MRPL19: variants seen among roughly 807,000 people sequenced by gnomAD.
MRPL19 encodes large ribosomal subunit protein bL19m.
A neutral mutation model predicts 34.0 loss-of-function variants in MRPL19; 31 were observed. The observed-to-expected ratio is 0.91, with a 90% confidence interval of 0.68 to 1.23. The LOEUF is 1.23. MRPL19 is among the 50% of genes most tolerant of loss of function. The pLI is 0.00. For synonymous variants in MRPL19, 152 were observed against 127.7 expected, an observed-to-expected ratio of 1.19 and a Z score of -1.28; for missense variants, 384 against 367.6, an observed-to-expected ratio of 1.04 and a Z score of -0.37.
intron 2 of MRPL19, 85 bp downstream of exon 2, chr2:75,647,304 TG>T (rs1678246426): frequency 4.6e-6 from 6 of 1,312,094 alleles, no homozygotes; most frequent in African/African-American, 1.5e-5. Flanking sequence ...GGCTCTAAGG[TG>T]GGGGCTGCAC....
In MRPL19 at chr2:75,656,823, T is replaced by C. The variant is rs1476589827; in HGVS notation, c.*1538T>C. The C allele has an allele frequency of 1.3e-5, 2 of 152,114 alleles. No homozygotes were observed. Among genetic ancestry groups the C allele is most frequent in the Non-Finnish European group, 2.9e-5 (2 of 68,022 alleles). 9.4% of individuals were successfully genotyped at this position (152,114 alleles called of 1,614,324 possible). The stretch of plus-strand genomic sequence containing the variant: ...AGTTCTGGGAAACACTTAGCATTGG[T>C]TGATGATTTATTCTCTGCTGCTTTG... On this transcript the variant is annotated 3_prime_UTR_variant, in exon 6 of 6. Coordinates refer to ENST00000393909, the MANE Select transcript of MRPL19 (RefSeq NM_014763.4).
chr2:75,646,974 G>T (rs1678235947), intron 1 of MRPL19, 64 bp downstream of exon 1: 4 of 1,492,864 alleles, frequency 2.7e-6, no homozygotes, highest in Middle Eastern at 1.8e-4. Context: ...TGGGGGAGGC[G>T]AACCTGGAGA....
rs1678641356 is a variant in MRPL19 at position 75,662,153 on chromosome 2, C to T, written c.*6868C>T. 1 of 152,164 alleles carries T rather than the reference C, an allele frequency of 6.6e-6. No homozygotes were observed. Among genetic ancestry groups the T allele is most frequent in the Non-Finnish European group, 1.5e-5 (1 of 68,026 alleles). 9.4% of individuals were successfully genotyped at this position (152,164 alleles called of 1,614,324 possible). On this transcript the variant is annotated 3_prime_UTR_variant, in exon 6 of 6. Coordinates refer to ENST00000393909, the MANE Select transcript of MRPL19 (RefSeq NM_014763.4). ...GTTCGTGAGTGATTACACTGGTTGA[C>T]TAATGTTAAAACAACCTTACTTTCC...
Position 75,647,087 on chromosome 2 carries a change from C to A in MRPL19, c.104-15C>A. The A allele has an allele frequency of 1.3e-6, 2 of 1,571,052 alleles. No homozygotes were observed. Among genetic ancestry groups the A allele is most frequent in the Non-Finnish European group, 1.7e-6 (2 of 1,156,508 alleles). On this transcript the variant is annotated splice_polypyrimidine_tract_variant and intron_variant, in intron 1 of 5. Coordinates refer to ENST00000393909, the MANE Select transcript of MRPL19 (RefSeq NM_014763.4). Reference sequence around the variant, plus strand: ...TTGGCACGAGAGTTCTGACCTCCGTCGTCCGCTCCCGCAGGGGTCCACGCG... The same window carrying A: ...TTGGCACGAGAGTTCTGACCTCCGTAGTCCGCTCCCGCAGGGGTCCACGCG...
In MRPL19 at chr2:75,660,624, TTG is replaced by T. The variant is rs1197003102; in HGVS notation, c.*5343_*5344del. 1 of 152,198 alleles carries T rather than the reference TTG, an allele frequency of 6.6e-6. No homozygotes were observed. Among genetic ancestry groups the T allele is most frequent in the Non-Finnish European group, 1.5e-5 (1 of 68,042 alleles). 9.4% of individuals were successfully genotyped at this position (152,198 alleles called of 1,614,324 possible). A position where few individuals can be genotyped will look rare whatever the true frequency, so the allele number is the denominator to read the frequency against. On this transcript the variant is annotated 3_prime_UTR_variant, in exon 6 of 6. Coordinates refer to ENST00000393909, the MANE Select transcript of MRPL19 (RefSeq NM_014763.4). ...ATCACTGAAGTCTCTGTTCCTTAGT[TTG>T]TGTTTAATAGTTTGACATAGATTTC...
Position 75,658,602 on chromosome 2 carries a change from A to G in MRPL19, c.*3317A>G, listed in dbSNP as rs1473798415. ...CCCCTGGTTGAGTGTGTTAATTTCT[A>G]CATGTTTATGAATTTCCCACTGTTT... is the stretch of plus-strand genomic sequence containing the variant. On this transcript the variant is annotated 3_prime_UTR_variant, in exon 6 of 6. Transcript: ENST00000393909. Among the ~76,000 whole-genome samples, 1 of 152,054 alleles carries G rather than the reference A, an allele frequency of 6.6e-6. No individual in the cohort carries two copies. The highest frequency in any genetic ancestry group is 1.5e-5 in the Non-Finnish European group (1 of 67,982).
At chr2:75,651,508 T>C (rs1251152387) in intron 2 of MRPL19, 1 of 505,052 alleles carries the variant, frequency 2.0e-6, no homozygotes, top group Non-Finnish European at 4.0e-6. Flanking sequence ...TCTTCGTCTG[T>C]AGATAGGTGT....
intron 2 of MRPL19, among the ~76,000 whole-genome samples, chr2:75,648,791 C>G (rs1415921892): frequency 6.6e-6 from 1 of 152,080 alleles, no homozygotes; most frequent in Non-Finnish European, 1.5e-5. Context: ...ATTGCTTGAA[C>G]ACAGGATGCC....
chr2:75,655,443 C>A lies in MRPL19; in HGVS notation c.*158C>A. On this transcript the variant is annotated 3_prime_UTR_variant, in exon 6 of 6. Coordinates refer to ENST00000393909, the MANE Select transcript of MRPL19 (RefSeq NM_014763.4). Reference sequence around the variant, plus strand: ...TTTTTCTAAAATAAAACTTGTACACCAGTTTATTACTCTAAAAAGAGAATT... The same window carrying A: ...TTTTTCTAAAATAAAACTTGTACACAAGTTTATTACTCTAAAAAGAGAATT... The A allele has an allele frequency of 1.7e-6, 1 of 602,500 alleles. No homozygotes were observed. Among genetic ancestry groups the A allele is most frequent in the Non-Finnish European group, 2.8e-6 (1 of 353,824 alleles). 37.3% of individuals were successfully genotyped at this position (602,500 alleles called of 1,614,324 possible).
chr2:75,653,181 TATTA>T (rs1282622087), intron 4 of MRPL19, among the ~76,000 whole-genome samples: 1 of 152,232 alleles, frequency 6.6e-6, no homozygotes, highest in Non-Finnish European at 1.5e-5. Context: ...CTAGCAAGAT[TATTA>T]ATTAAAATGG....
chr2:75,652,584 G>T lies in MRPL19; in HGVS notation c.402G>T (p.Leu134=), dbSNP rs1678355728. Residue 134 remains leucine, a synonymous_variant, in exon 4 of 6, where the codon CTG becomes CTT. Coordinates refer to ENST00000393909, the MANE Select transcript of MRPL19 (RefSeq NM_014763.4). ...CCAGTGGAAAAATCAGCCAGTTTCTGGGGATTTGCATTCAGAGATCAGGAA... is the reference window on the plus strand; with the variant it reads ...CCAGTGGAAAAATCAGCCAGTTTCTTGGGATTTGCATTCAGAGATCAGGAA... The part of the protein sequence containing the change: ...PYASGKISQF[L]GICIQRSGRG... 4.3e-6 allele frequency: 7 copies of T among 1,613,836 alleles called. No homozygotes were observed. Among genetic ancestry groups the T allele is most frequent in the Middle Eastern group, 1.7e-4 (1 of 6,058 alleles).
rs191979719 is a variant in MRPL19, at chr2:75,650,687, G to A, written c.222-1455G>A. The stretch of plus-strand genomic sequence containing the variant: ...CCAGTTAGGAGAATGTGAAATGCAG[G>A]GATGTGAGACTGGCCTAAGGTATAG... On this transcript the variant is annotated intron_variant, in intron 2 of 5. Transcript: ENST00000393909. Among the ~76,000 whole-genome samples the A allele has an allele frequency of 1.6e-3, 250 of 152,264 alleles. 1 individual carries two copies. In the Middle Eastern group the frequency reaches 0.017, roughly 10 times the overall value.
At position 75,656,779 on chromosome 2, in the gene MRPL19, A is replaced by T. The variant is rs961744749; in HGVS notation, c.*1494A>T. 1.3e-5 allele frequency: 2 copies of T among 152,048 alleles called. No individual in the cohort carries two copies. Among genetic ancestry groups the T allele is most frequent in the Non-Finnish European group, 2.9e-5 (2 of 68,012 alleles). 9.4% of individuals were successfully genotyped at this position (152,048 alleles called of 1,614,324 possible). A position where few individuals can be genotyped will look rare whatever the true frequency, so the allele number is the denominator to read the frequency against. ...TTGGGTTTTAGGTGAACCCTTCCAG[A>T]TAGTAACTCATTTCTGTCAGTTCTG... On this transcript the variant is annotated 3_prime_UTR_variant, in exon 6 of 6. Transcript: ENST00000393909.
rs1470520499 is a variant in MRPL19 at position 75,646,870 on chromosome 2, C to A, written c.63C>A (p.Ala21=). The A allele has an allele frequency of 1.9e-6, 3 of 1,596,876 alleles. No homozygotes were observed. Among genetic ancestry groups the A allele is most frequent in the Non-Finnish European group, 2.6e-6 (3 of 1,172,574 alleles). Residue 21 remains alanine, a synonymous_variant, in exon 1 of 6, where the codon GCC becomes GCA. Coordinates refer to ENST00000393909, the MANE Select transcript of MRPL19 (RefSeq NM_014763.4). Reference sequence around the variant, plus strand: ...TGGGCCTAGGCCGGAGTTTCCAAGCCGCCAGGACTCTGCTCCCCCCGCCGG... The same window carrying A: ...TGGGCCTAGGCCGGAGTTTCCAAGCAGCCAGGACTCTGCTCCCCCCGCCGG... The part of the protein sequence containing the change: ...AAMGLGRSFQ[A]ARTLLPPPAS...
chr2:75,646,965 G>T (rs41285999), intron 1 of MRPL19, 55 bp downstream of exon 1: 29,397 of 1,504,072 alleles, frequency 0.02, 434 homozygotes, highest in African/African-American at 0.068. Flanking sequence ...GGGTCAGGAT[G>T]GGGGAGGCGA....
chr2:75,647,171 C>A lies in MRPL19; in HGVS notation c.173C>A (p.Pro58Gln), dbSNP rs867740619. Residue 58 changes from proline (P) to glutamine (Q), a missense_variant, in exon 2 of 6, where the codon CCG becomes CAG. Pro to Gln is a moderately conservative substitution (Grantham distance 76). Transcript: ENST00000393909. ...GAGCCCGGTGCGTTCCAACCGCCGC[C>A]GAAACCGGTCATCGTGGACAAGCAC... Reference protein sequence around the residue: ...PSEPGAFQPPPKPVIVDKHRP... With the variant: ...PSEPGAFQPPQKPVIVDKHRP... 6.3e-7 allele frequency: 1 copy of A among 1,579,778 alleles called. No individual in the cohort carries two copies. Among genetic ancestry groups the A allele is most frequent in the African/African-American group, 1.3e-5 (1 of 74,366 alleles).
At chr2:75,654,542 CTTTATA>C (rs58199843) in intron 4 of MRPL19, among the ~76,000 whole-genome samples, 188 bp from the exon 5 acceptor site, 6,009 of 152,130 alleles carry the variant, frequency 0.039, 393 homozygotes, top group African/African-American at 0.14. Context: ...GACTTTCTAA[CTTTATA>C]TTTAAATGGA....
rs1301279008 is a variant in MRPL19, at chr2:75,655,239, T to G, written c.833T>G (p.Ile278Ser). The change falls in exon 6 of 6, where the codon ATT becomes AGT. Residue 278 changes from isoleucine (I) to serine (S), a missense_variant. By Grantham distance (142) the Ile-to-Ser change is moderately radical. Coordinates refer to ENST00000393909, the MANE Select transcript of MRPL19 (RefSeq NM_014763.4). ...DMMREYDTSK[I>S]EAAIWKEIEA... is the part of the protein sequence containing the mutation. ...ATGAGGGAATATGATACTTCAAAAATTGAAGCTGCAATATGGAAGGAAATT... is the reference window on the plus strand; with the variant it reads ...ATGAGGGAATATGATACTTCAAAAAGTGAAGCTGCAATATGGAAGGAAATT... The G allele has an allele frequency of 2.5e-6, 4 of 1,613,330 alleles. No individual in the cohort carries two copies. In the African/African-American group the frequency reaches 4.0e-5, roughly 16 times the overall value.
Position 75,657,014 on chromosome 2 carries a change from C to T in MRPL19, c.*1729C>T, listed in dbSNP as rs1450881398. 1 of 152,008 alleles carries T rather than the reference C, an allele frequency of 6.6e-6. No homozygotes were observed. The highest frequency in any genetic ancestry group is 1.5e-5 in the Non-Finnish European group (1 of 67,966). 9.4% of individuals were successfully genotyped at this position (152,008 alleles called of 1,614,324 possible). On this transcript the variant is annotated 3_prime_UTR_variant, in exon 6 of 6. Coordinates refer to ENST00000393909, the MANE Select transcript of MRPL19 (RefSeq NM_014763.4). The stretch of plus-strand genomic sequence containing the variant: ...GACCCCTTCTTGATTTGTAGAAGTT[C>T]CTTTTCTTACAACCAAAAAGCCTTT...
Sources: gnomAD v4.1 joint callset for allele counts (sites outside exome capture counted in the v4.1 genomes callset) on GRCh38, gnomAD v4.1.1 for gene constraint, MANE v1.5 for transcripts, NCBI Gene and HGNC (gene_info 2026-07-23, HGNC 2026-07-21) for gene names.